USPL1: variants seen among roughly 807,000 people sequenced by gnomAD.
The protein encoded by USPL1 is ubiquitin specific peptidase like 1, also known as SUMO-specific isopeptidase USPL1.
A neutral mutation model predicts 51.5 loss-of-function variants in USPL1; 27 were observed. The ratio of observed to expected loss-of-function variants is 0.52; its 90% CI spans 0.39 to 0.72. The LOEUF is 0.72. Ranked by LOEUF, USPL1 falls within the 30% of genes least tolerant of loss-of-function variation. USPL1 has a pLI of 0.00. For missense variants in USPL1, 1,226 were observed against 1,268.0 expected (o/e 0.97, Z 0.50); for synonymous variants, 451 against 459.6 (o/e 0.98, Z 0.24).
intron 4 of USPL1, among the ~76,000 whole-genome samples, chr13:30,634,507 T>G (rs983578738): frequency 6.6e-6 from 1 of 152,246 alleles, no homozygotes; most frequent in Non-Finnish European, 1.5e-5. Flanking sequence ...GACCTTTTTT[T>G]CTTGTTGTAA....
rs774426773 is a variant in USPL1, at chr13:30,653,264, G to A, written c.1355G>A (p.Arg452Gln). Residue 452 changes from arginine (R) to glutamine (Q), a missense_variant, in exon 8 of 9, where the codon CGA becomes CAA. Arg to Gln is a conservative substitution (Grantham distance 43). Transcript: ENST00000255304. Reference sequence around the variant, plus strand: ...CAGATAACTTCTGTAATTCAGTATCGAGCAAATAATCATTTTATAACATGG... The same window carrying A: ...CAGATAACTTCTGTAATTCAGTATCAAGCAAATAATCATTTTATAACATGG... ...LYQITSVIQYRANNHFITWIL... is the reference protein window; with the variant it reads ...LYQITSVIQYQANNHFITWIL... 78 of 1,608,230 alleles carry A rather than the reference G, an allele frequency of 4.9e-5. No homozygotes were observed. The highest frequency in any genetic ancestry group is 6.2e-5 in the Non-Finnish European group (73 of 1,176,252).
rs139893273 is a variant in USPL1 at position 30,653,433 on chromosome 13, C to T, written c.1396+128C>T. The stretch of plus-strand genomic sequence containing the variant: ...TCCTGACTCTTTCTCTCTCCATTCT[C>T]GCCTTTGCCTTCTGCCCCTCCTCGC... On this transcript the variant is annotated intron_variant, in intron 8 of 8. Transcript: ENST00000255304. 449 of 952,720 alleles carry T rather than the reference C, an allele frequency of 4.7e-4. 6 individuals carry two copies. In the African/African-American group the frequency reaches 6.7e-3, roughly 14 times the overall value. 59.0% of individuals were successfully genotyped at this position (952,720 alleles called of 1,614,324 possible).
intron 8 of USPL1, among the ~76,000 whole-genome samples, chr13:30,655,695 AATG>A (rs1250587356): frequency 6.6e-6 from 1 of 152,224 alleles, no homozygotes; most frequent in African/African-American, 2.4e-5. Context: ...TGCAACATAA[AATG>A]ATGACCACTG....
At chr13:30,638,590 GT>G (rs1950906139) in intron 5 of USPL1, among the ~76,000 whole-genome samples, 1 of 151,824 alleles carries the variant, frequency 6.6e-6, no homozygotes, top group Non-Finnish European at 1.5e-5. Flanking sequence ...GAGCTGCGGG[GT>G]TTTTTTGTTT....
In USPL1 at chr13:30,653,172, CT is replaced by C; in HGVS notation, c.1266del (p.Phe422LeufsTer2). 2 of 1,605,470 alleles carry C rather than the reference CT, an allele frequency of 1.2e-6. No homozygotes were observed. Among genetic ancestry groups the C allele is most frequent in the Non-Finnish European group, 1.7e-6 (2 of 1,175,028 alleles). On this transcript the variant is annotated frameshift_variant, in exon 8 of 9. Coordinates refer to ENST00000255304, the MANE Select transcript of USPL1 (RefSeq NM_005800.5). LOFTEE classifies it high-confidence loss of function. ...GAGTATCTCCCATATTCATGTTGCACTTTGTAGAAGGCTTACCACAGAATGA... is the reference window on the plus strand; with the variant it reads ...GAGTATCTCCCATATTCATGTTGCACTTGTAGAAGGCTTACCACAGAATGA... ...EKVSPIFMLH[F>X]VEGLPQNDLQ... is the part of the protein sequence containing the mutation.
At chr13:30,647,433 G>T (rs190650714) in intron 7 of USPL1, among the ~76,000 whole-genome samples, 2 of 151,990 alleles carry the variant, frequency 1.3e-5, no homozygotes, top group Admixed American at 1.3e-4. Context: ...TAAGCCACAG[G>T]CTCATCTCTC....
intron 7 of USPL1, among the ~76,000 whole-genome samples, chr13:30,650,478 G>A (rs142092893): frequency 1.2e-3 from 179 of 150,100 alleles, no homozygotes; most frequent in African/African-American, 3.2e-3. Flanking sequence ...TCAGGAGGCT[G>A]AGACATTAGT....
chr13:30,653,370 CT>C (rs142236900), intron 8 of USPL1, 65 bp downstream of exon 8: 6 of 1,434,560 alleles, frequency 4.2e-6, no homozygotes, highest in Non-Finnish European at 4.6e-6. Context: ...CATGTGGGGA[CT>C]TTTTGGTTTT....
intron 5 of USPL1, among the ~76,000 whole-genome samples, chr13:30,638,095 A>G (rs113145542): frequency 2.6e-5 from 4 of 152,168 alleles, no homozygotes; most frequent in Non-Finnish European, 4.4e-5. Flanking sequence ...TCTCAGAACC[A>G]GGAGAATTTT....
At position 30,660,638 on chromosome 13, in the gene USPL1, A is replaced by T. The variant is rs1324892957; in HGVS notation, c.*1282A>T. On this transcript the variant is annotated 3_prime_UTR_variant, in exon 9 of 9. Transcript: ENST00000255304. ...TGTTACACCGGTAGAGTGCTGTGGA[A>T]TGTAAACTTTCCCTATGTCACTTAT... The T allele has an allele frequency of 6.6e-6, 1 of 152,244 alleles. No individual in the cohort carries two copies. The highest frequency in any genetic ancestry group is 1.5e-5 in the Non-Finnish European group (1 of 68,032). 9.4% of individuals were successfully genotyped at this position (152,244 alleles called of 1,614,324 possible). A position where few individuals can be genotyped will look rare whatever the true frequency, so the allele number is the denominator to read the frequency against.
intron 4 of USPL1, among the ~76,000 whole-genome samples, chr13:30,635,710 T>G (rs1268063805): frequency 2.6e-5 from 4 of 152,174 alleles, no homozygotes; most frequent in Admixed American, 1.3e-4. Context: ...TGCTAAAAAT[T>G]TTGAGTTTGG....
chr13:30,644,648 T>C (rs1950994189), intron 6 of USPL1, among the ~76,000 whole-genome samples: 1 of 152,140 alleles, frequency 6.6e-6, no homozygotes, highest in Non-Finnish European at 1.5e-5. Context: ...CAGAGCGATA[T>C]TGGCATGGTG....
intron 4 of USPL1, among the ~76,000 whole-genome samples, chr13:30,633,306 T>C (rs1375933244): frequency 1.3e-5 from 2 of 152,216 alleles, no homozygotes; most frequent in African/African-American, 4.8e-5. Flanking sequence ...TATGTAGTTA[T>C]AGGAAAAAGC....
At chr13:30,643,679 G>A (rs1027597531) in intron 6 of USPL1, among the ~76,000 whole-genome samples, 1 of 133,140 alleles carries the variant, frequency 7.5e-6, no homozygotes, top group Non-Finnish European at 1.5e-5. Flanking sequence ...GCGTGATCCC[G>A]GCTCACTGCA....
Position 30,630,871 on chromosome 13 carries a change from C to A in USPL1, c.265C>A (p.Leu89Ile). The A allele has an allele frequency of 6.2e-7, 1 of 1,612,424 alleles. No individual in the cohort carries two copies. Among genetic ancestry groups the A allele is most frequent in the Non-Finnish European group, 8.5e-7 (1 of 1,179,456 alleles). The change falls in exon 4 of 9, where the codon CTA (leucine) becomes ATA (isoleucine). Residue 89 changes from leucine (L) to isoleucine (I), a missense_variant. Leu to Ile is a conservative substitution (Grantham distance 5). Coordinates refer to ENST00000255304, the MANE Select transcript of USPL1 (RefSeq NM_005800.5). ...YPLGSKSLNNLISPDLEECHT... is the reference protein window; with the variant it reads ...YPLGSKSLNNIISPDLEECHT... ...TTTGGGCTCTAAATCACTTAATAAC[C>A]TAATTTCTCCTGATTTGGAAGAATG...
At chr13:30,643,610 G>GC (rs1950978248) in intron 6 of USPL1, among the ~76,000 whole-genome samples, 2 of 47,346 alleles carry the variant, frequency 4.2e-5, no homozygotes, top group Non-Finnish European at 3.9e-5. Context: ...ACCCCCCCCC[G>GC]CCCTTTTTTT....
At chr13:30,653,960 T>A (rs1446455303) in intron 8 of USPL1, among the ~76,000 whole-genome samples, 1 of 152,260 alleles carries the variant, frequency 6.6e-6, no homozygotes, top group Non-Finnish European at 1.5e-5. Context: ...TCTTTCACAC[T>A]TCCTATTTTC....
Position 30,659,180 on chromosome 13 carries a change from T to C in USPL1, c.3103T>C (p.Cys1035Arg), listed in dbSNP as rs369560968. The C allele has an allele frequency of 5.1e-5, 82 of 1,613,742 alleles. No homozygotes were observed. Among genetic ancestry groups the C allele is most frequent in the Non-Finnish European group, 6.8e-5 (80 of 1,179,956 alleles). ...NYCSPTKKNP[C>R]EVQPDSLTNN... ...TTGTAGCCCCACCAAGAAAAATCCATGTGAAGTTCAGCCAGACTCTCTGAC... is the reference window on the plus strand; with the variant it reads ...TTGTAGCCCCACCAAGAAAAATCCACGTGAAGTTCAGCCAGACTCTCTGAC... Residue 1035 changes from cysteine (C) to arginine (R), a missense_variant, in exon 9 of 9, where the codon TGT becomes CGT. By Grantham distance (180) the Cys-to-Arg change is radical (BLOSUM62 -3). Transcript: ENST00000255304.
rs1950963510 is a variant in USPL1, at chr13:30,642,672, C to G, written c.1027C>G (p.Leu343Val). 2 of 1,613,804 alleles carry G rather than the reference C, an allele frequency of 1.2e-6. No individual in the cohort carries two copies. The highest frequency in any genetic ancestry group is 2.2e-5 in the South Asian group (2 of 91,080). Residue 343 changes from leucine to valine, a missense_variant, in exon 6 of 9, where the codon CTA (leucine) becomes GTA (valine). By Grantham distance (32) the Leu-to-Val change is conservative. Coordinates refer to ENST00000255304, the MANE Select transcript of USPL1 (RefSeq NM_005800.5). ...PVFAFPLLLK[L>V]ETHIEKLFLY... is the part of the protein sequence containing the mutation. ...GTTTGCATTTCCCCTGCTCTTAAAA[C>G]TAGAAACCCACATTGAAAAGCTCTT... is the stretch of plus-strand genomic sequence containing the variant.
Sources: gnomAD v4.1 joint callset for allele counts (sites outside exome capture counted in the v4.1 genomes callset) on GRCh38, gnomAD v4.1.1 for gene constraint, MANE v1.5 for transcripts, NCBI Gene and HGNC (gene_info 2026-07-23, HGNC 2026-07-21) for gene names.